Variants in NTRK3 observed in about 807,000 individuals in gnomAD.
The protein encoded by NTRK3 is neurotrophic receptor tyrosine kinase 3.
NTRK3 carries 24 observed loss-of-function variants against 91.7 expected under a neutral mutation model. That is an observed-to-expected ratio of 0.26 (90% CI 0.19 to 0.37). NTRK3 has a LOEUF of 0.37. Ranked by LOEUF, NTRK3 falls within the 10% of genes least tolerant of loss-of-function variation. NTRK3 has a pLI of 1.00. For missense variants in NTRK3, 880 were observed against 1,068.9 expected (o/e 0.82, Z 2.46); for synonymous variants, 483 against 404.0 (o/e 1.20, Z -2.34).
At chr15:88,111,379 C>T (rs542127973) in intron 13 of NTRK3, among the ~76,000 whole-genome samples, 12 of 152,144 alleles carry the variant, frequency 7.9e-5, no homozygotes, top group Non-Finnish European at 1.2e-4. Flanking sequence ...GATTAAAGGG[C>T]CAGGACCAGG....
intron 5 of NTRK3, among the ~76,000 whole-genome samples, chr15:88,162,102 C>T (rs2044509990): frequency 1.3e-5 from 2 of 152,290 alleles, no homozygotes; most frequent in South Asian, 4.1e-4. Context: ...AAAACCCTAT[C>T]ACAAGACCCA....
At chr15:88,075,625 C>G (rs535247906) in intron 13 of NTRK3, among the ~76,000 whole-genome samples, 1 of 152,132 alleles carries the variant, frequency 6.6e-6, no homozygotes, top group East Asian at 1.9e-4. Context: ...GTTGTTGTTG[C>G]TGTATTTCTA....
At chr15:87,880,464 C>T (rs2141470284) in intron 17 of NTRK3, 36 bp from the exon 19 acceptor site, 1 of 1,607,388 alleles carries the variant, frequency 6.2e-7, no homozygotes, top group Non-Finnish European at 8.5e-7. Flanking sequence ...ACAGAGTGAC[C>T]AGATGGCCAG....
At chr15:87,885,560 A>T in intron 17 of NTRK3, 134 bp downstream of exon 18, 1 of 451,230 alleles carries the variant, frequency 2.2e-6, no homozygotes, top group Non-Finnish European at 3.9e-6. Flanking sequence ...CAAATTTATT[A>T]ATGGAACAAA....
intron 3 of NTRK3, among the ~76,000 whole-genome samples, chr15:88,238,108 C>T (rs951468467): frequency 1.8e-4 from 27 of 152,174 alleles, no homozygotes; most frequent in Admixed American, 8.5e-4. Flanking sequence ...AGTGAGAAGG[C>T]GACCGTCTGC....
At chr15:88,204,131 G>A (rs1038870702) in intron 3 of NTRK3, among the ~76,000 whole-genome samples, 1 of 152,174 alleles carries the variant, frequency 6.6e-6, no homozygotes, top group Non-Finnish European at 1.5e-5. Flanking sequence ...AACATGTGGT[G>A]TCTGGTTTTC....
chr15:88,072,994 C>T (rs1012834721), intron 13 of NTRK3: 2 of 202,794 alleles, frequency 9.9e-6, no homozygotes, highest in Admixed American at 6.0e-5. Flanking sequence ...GCCCATAGTT[C>T]CCATTTGACA....
At chr15:87,907,361 A>T (rs982804138) in intron 17 of NTRK3, among the ~76,000 whole-genome samples, 1 of 152,172 alleles carries the variant, frequency 6.6e-6, no homozygotes, top group Non-Finnish European at 1.5e-5. Flanking sequence ...TTAAACTTTC[A>T]TGCTGTTATT....
chr15:88,052,854 G>A (rs1567299645), intron 13 of NTRK3, among the ~76,000 whole-genome samples: 1 of 152,076 alleles, frequency 6.6e-6, no homozygotes, highest in South Asian at 2.1e-4. Context: ...GGTATTTTAG[G>A]AACAAGGAGC....
In NTRK3 at chr15:87,958,663, C is replaced by G. The variant is rs540941812; in HGVS notation, c.1586-17910G>C. ...GTGTCCACTCAACACCCAAGCAATT[C>G]TCAAATCTGTCCACATCTGCAATAG... is the stretch of plus-strand genomic sequence containing the variant. On this transcript the variant is annotated intron_variant, in intron 14 of 18. Coordinates refer to ENST00000394480, the Ensembl canonical transcript of NTRK3. 3.3e-5 allele frequency among the ~76,000 whole-genome samples: 5 copies of G among 152,096 alleles called. No individual in the cohort carries two copies. In the South Asian group the frequency reaches 1.0e-3, roughly 32 times the overall value.
At chr15:88,091,401 A>G (rs1252543226) in intron 13 of NTRK3, among the ~76,000 whole-genome samples, 1 of 152,218 alleles carries the variant, frequency 6.6e-6, no homozygotes, top group Non-Finnish European at 1.5e-5. Flanking sequence ...TCAAAAATAC[A>G]AAACTCATAC....
chr15:88,091,023 T>C (rs566281773), intron 13 of NTRK3, among the ~76,000 whole-genome samples: 9 of 152,226 alleles, frequency 5.9e-5, no homozygotes, highest in Admixed American at 1.3e-4. Context: ...CTAAATCTAA[T>C]CCCTGTAACT....
intron 13 of NTRK3, among the ~76,000 whole-genome samples, chr15:88,054,952 T>C (rs1253126196): frequency 1.3e-5 from 2 of 151,864 alleles, no homozygotes; most frequent in African/African-American, 4.8e-5. Flanking sequence ...ATGTAGATCT[T>C]TGCCCACACC....
chr15:87,979,595 G>T, intron 14 of NTRK3: 1 of 678,008 alleles, frequency 1.5e-6, no homozygotes, highest in South Asian at 1.7e-5. Flanking sequence ...CAGCAAAAGG[G>T]AAGGATAGGA....
rs554236671 is a variant in NTRK3 at position 88,235,697 on chromosome 15, G to T, written c.248+20209C>A. On this transcript the variant is annotated intron_variant, in intron 3 of 18. Transcript: ENST00000394480. The surrounding 1 kb of genome is among the most constrained non-coding windows in gnomAD (Gnocchi z 5.2). ...AGGGAGCTCTGAGAGGACCCTAGGG[G>T]GATGTCCTTGGGCTGAGGACCCCAG... Among the ~76,000 whole-genome samples, 1 of 152,206 alleles carries T rather than the reference G, an allele frequency of 6.6e-6. No individual in the cohort carries two copies. The highest frequency in any genetic ancestry group is 1.5e-5 in the Non-Finnish European group (1 of 68,032).
At chr15:87,862,793 T>C (rs1332606032) in exon 19 of NTRK3, 3 of 229,442 alleles carry the variant, frequency 1.3e-5, no homozygotes, top group Non-Finnish European at 2.6e-5. Context: ...AAAACAGCTG[T>C]TAAAGAGCAC....
At chr15:88,157,741 G>C (rs2044051599) in intron 5 of NTRK3, among the ~76,000 whole-genome samples, 1 of 152,106 alleles carries the variant, frequency 6.6e-6, no homozygotes, top group Non-Finnish European at 1.5e-5. Context: ...GAGATAACTT[G>C]TTTGTGTCAC....
At chr15:88,238,994 G>A (rs540985767) in intron 3 of NTRK3, among the ~76,000 whole-genome samples, 1 of 152,348 alleles carries the variant, frequency 6.6e-6, no homozygotes, top group South Asian at 2.1e-4. Context: ...CACTCAGACA[G>A]TGGCTGTGCG....
intron 13 of NTRK3, among the ~76,000 whole-genome samples, chr15:88,082,277 C>CAA (rs1218706062): frequency 2.7e-4 from 19 of 70,054 alleles, no homozygotes; most frequent in South Asian, 1.5e-3. Context: ...GACTCTGTCT[C>CAA]AAAAAAAAAA....
Sources: gnomAD v4.1 joint callset for allele counts (sites outside exome capture counted in the v4.1 genomes callset) on GRCh38, gnomAD v4.1.1 for gene constraint, Gnocchi (gnomAD v3.1) non-coding constraint, MANE v1.5 for transcripts, NCBI Gene and HGNC (gene_info 2026-07-23, HGNC 2026-07-21) for gene names.